The following CACNA2D3 variants were observed in gnomAD, a reference collection of about 807,000 sequenced individuals.
CACNA2D3 encodes calcium voltage-gated channel auxiliary subunit alpha2delta 3, also known as voltage-dependent calcium channel subunit alpha-2/delta-3.
In CACNA2D3, 60 loss-of-function variants were observed where a neutral mutation model predicts 160.6. The observed-to-expected ratio is 0.37, with a 90% confidence interval of 0.30 to 0.46. The LOEUF (loss-of-function observed/expected upper bound fraction) is 0.46, where lower values mean the gene tolerates loss of function less well. Among genes scored for constraint, CACNA2D3 ranks in the 20% least tolerant of loss-of-function variants. CACNA2D3 has a pLI of 1.00. For synonymous variants in CACNA2D3, 558 were observed against 492.9 expected, an observed-to-expected ratio of 1.13 and a Z score of -1.75; for missense variants, 1,205 against 1,365.0, an observed-to-expected ratio of 0.88 and a Z score of 1.85.
At chr3:54,241,181 A>G (rs1359902169) in intron 2 of CACNA2D3, among the ~76,000 whole-genome samples, 1 of 152,196 alleles carries the variant, frequency 6.6e-6, no homozygotes, top group Non-Finnish European at 1.5e-5. Flanking sequence ...TTTGCTGCCA[A>G]ACATTCAGTT....
At chr3:54,440,493 AT>A (rs1488830373) in intron 4 of CACNA2D3, among the ~76,000 whole-genome samples, 2 of 152,054 alleles carry the variant, frequency 1.3e-5, no homozygotes, top group African/African-American at 4.8e-5. Flanking sequence ...AATTATTTTT[AT>A]TTTTATTATA....
intron 35 of CACNA2D3, among the ~76,000 whole-genome samples, chr3:55,051,791 G>A (rs928040729): frequency 1.6e-4 from 24 of 152,180 alleles, no homozygotes; most frequent in Non-Finnish European, 2.5e-4. Context: ...AGCCAGGTGT[G>A]GGATATAATC....
intron 2 of CACNA2D3, among the ~76,000 whole-genome samples, chr3:54,171,576 G>T (rs908182412): frequency 2.0e-5 from 3 of 152,142 alleles, no homozygotes; most frequent in African/African-American, 7.2e-5. Context: ...GATGTCTCTT[G>T]ACACTGAGAA....
At chr3:54,601,805 A>T (rs950551865) in intron 9 of CACNA2D3, among the ~76,000 whole-genome samples, 5 of 152,008 alleles carry the variant, frequency 3.3e-5, no homozygotes, top group Admixed American at 2.6e-4. Flanking sequence ...TTTTGGAGTT[A>T]AAATATTAAA....
chr3:54,753,474 G>C (rs1469343378), intron 12 of CACNA2D3, among the ~76,000 whole-genome samples: 2 of 152,204 alleles, frequency 1.3e-5, no homozygotes, highest in African/African-American at 4.8e-5. Flanking sequence ...ACAGTCACGA[G>C]ATGCAGCAGC....
intron 13 of CACNA2D3, among the ~76,000 whole-genome samples, chr3:54,786,711 T>C (rs1307448292): frequency 6.6e-6 from 1 of 152,232 alleles, no homozygotes; most frequent in Non-Finnish European, 1.5e-5. Context: ...TATAACCTAG[T>C]TGATAAACAG....
At chr3:54,407,586 T>TAC (rs138873655) in intron 4 of CACNA2D3, among the ~76,000 whole-genome samples, 7 of 151,996 alleles carry the variant, frequency 4.6e-5, no homozygotes, top group Non-Finnish European at 1.0e-4. Flanking sequence ...TCTCAGTTGT[T>TAC]ACACACACAC....
At chr3:54,724,944 C>T (rs1007035702) in intron 11 of CACNA2D3, among the ~76,000 whole-genome samples, 1 of 151,900 alleles carries the variant, frequency 6.6e-6, no homozygotes, top group Non-Finnish European at 1.5e-5. Flanking sequence ...GATACAGACA[C>T]GAAAAACACT....
At chr3:54,204,796 G>GAAAAAAAAA (rs57129457) in intron 2 of CACNA2D3, among the ~76,000 whole-genome samples, 3 of 74,054 alleles carry the variant, frequency 4.1e-5, no homozygotes, top group South Asian at 5.1e-4. Flanking sequence ...ATGCTGTCTT[G>GAAAAAAAAA]AAAAAAAAAA....
intron 10 of CACNA2D3, among the ~76,000 whole-genome samples, chr3:54,634,273 C>T (rs937636069): frequency 2.0e-5 from 3 of 152,178 alleles, no homozygotes; most frequent in Admixed American, 2.0e-4. Context: ...GTTTGCCCTT[C>T]CTGGAATATC....
At chr3:54,147,270 C>T (rs1172565273) in intron 2 of CACNA2D3, among the ~76,000 whole-genome samples, 2 of 152,116 alleles carry the variant, frequency 1.3e-5, no homozygotes, top group Non-Finnish European at 2.9e-5. Flanking sequence ...GTGAGGCTGA[C>T]GTGTGAAGTA....
chr3:54,718,070 A>C (rs1163074358), intron 11 of CACNA2D3, among the ~76,000 whole-genome samples: 3 of 152,314 alleles, frequency 2.0e-5, no homozygotes, highest in South Asian at 2.1e-4. Context: ...TTGACAATTT[A>C]AGAAATCTCA....
At chr3:54,821,044 T>A (rs1703580229) in intron 14 of CACNA2D3, among the ~76,000 whole-genome samples, 1 of 152,180 alleles carries the variant, frequency 6.6e-6, no homozygotes, top group Non-Finnish European at 1.5e-5. Flanking sequence ...TGGCTATTTA[T>A]GTGGATGAAC....
chr3:54,586,584 T>C (rs557803439), intron 9 of CACNA2D3, among the ~76,000 whole-genome samples: 63 of 152,306 alleles, frequency 4.1e-4, no homozygotes, highest in African/African-American at 1.3e-3. Context: ...TAGTTGGGAC[T>C]TGTACATTCC....
At chr3:54,961,904 A>G (rs373252783) in intron 27 of CACNA2D3, among the ~76,000 whole-genome samples, 2 of 152,074 alleles carry the variant, frequency 1.3e-5, no homozygotes, top group Non-Finnish European at 2.9e-5. Context: ...TCCAAGTTCA[A>G]GGGGCCCCAT....
intron 3 of CACNA2D3, among the ~76,000 whole-genome samples, chr3:54,360,112 A>G (rs757942059): frequency 3.3e-5 from 5 of 152,164 alleles, no homozygotes; most frequent in Non-Finnish European, 5.9e-5. Context: ...TTTGTAAATA[A>G]TGTTTATTGG....
intron 4 of CACNA2D3, among the ~76,000 whole-genome samples, chr3:54,465,098 C>T (rs967677814): frequency 2.0e-5 from 3 of 151,336 alleles, no homozygotes; most frequent in African/African-American, 4.9e-5. Context: ...GATCTGTCTT[C>T]ACATTCAGAC....
intron 11 of CACNA2D3, among the ~76,000 whole-genome samples, chr3:54,678,682 T>C (rs1423670381): frequency 2.5e-5 from 3 of 117,754 alleles, no homozygotes; most frequent in Non-Finnish European, 4.9e-5. Context: ...GATCGTGCAA[T>C]TGCATCCCAG....
intron 11 of CACNA2D3, among the ~76,000 whole-genome samples, chr3:54,681,670 T>C (rs1434553083): frequency 6.6e-6 from 1 of 152,088 alleles, no homozygotes; most frequent in African/African-American, 2.4e-5. Flanking sequence ...TTTAAATGTC[T>C]ATGTGATGCA....
Sources: allele counts gnomAD v4.1 joint callset (sites outside exome capture counted in the v4.1 genomes callset), GRCh38; gene constraint gnomAD v4.1.1; transcripts MANE v1.5; gene names NCBI Gene and HGNC (gene_info 2026-07-23, HGNC 2026-07-21).